IFT80: variants seen among roughly 807,000 people sequenced by gnomAD.
IFT80 encodes intraflagellar transport 80, also known as intraflagellar transport protein 80 homolog.
Under a neutral mutation model 107.9 loss-of-function variants are expected in IFT80, and 79 were observed. The observed-to-expected ratio is 0.73, with a 90% CI of 0.61 to 0.88. The LOEUF is 0.88. Ranked by LOEUF, IFT80 falls within the 40% of genes least tolerant of loss-of-function variation. The pLI is 0.00. For synonymous variants in IFT80, 299 were observed against 300.9 expected, an observed-to-expected ratio of 0.99 and a Z score of 0.07; for missense variants, 797 against 914.2, an observed-to-expected ratio of 0.87 and a Z score of 1.65.
chr3:160,364,435 A>G (rs185932219), intron 6 of IFT80, among the ~76,000 whole-genome samples: 1 of 152,314 alleles, frequency 6.6e-6, no homozygotes, highest in East Asian at 1.9e-4. Flanking sequence ...ACTGTGGAAG[A>G]CAGGGTGGCA....
intron 16 of IFT80, among the ~76,000 whole-genome samples, chr3:160,278,678 T>A (rs1177186399): frequency 1.3e-5 from 2 of 152,108 alleles, no homozygotes; most frequent in Admixed American, 1.3e-4. Flanking sequence ...AACAACCCAT[T>A]GTTAAAAAAA....
intron 8 of IFT80, among the ~76,000 whole-genome samples, chr3:160,323,590 G>T (rs997613954): frequency 5.3e-5 from 8 of 151,912 alleles, no homozygotes; most frequent in Admixed American, 3.9e-4. Flanking sequence ...CGAGAACAAA[G>T]ACACAACATA....
rs573124892 is a variant in IFT80, at chr3:160,398,756, G to A, written c.-47+390C>T. Reference sequence around the variant, plus strand: ...GGCAATGTATACAAACACTACTTAGGGAATATTTGCTGATCGATAATTTCC... The same window carrying A: ...GGCAATGTATACAAACACTACTTAGAGAATATTTGCTGATCGATAATTTCC... On this transcript the variant is annotated intron_variant, in intron 1 of 19. Coordinates refer to ENST00000326448, the MANE Select transcript of IFT80 (RefSeq NM_020800.3). Among the ~76,000 whole-genome samples, 7 of 151,990 alleles carry A rather than the reference G, an allele frequency of 4.6e-5. No individual in the cohort carries two copies. In the South Asian group the frequency reaches 1.3e-3, roughly 27 times the overall value.
intron 13 of IFT80, among the ~76,000 whole-genome samples, chr3:160,284,365 C>T (rs1714928688): frequency 6.6e-6 from 1 of 152,118 alleles, no homozygotes; most frequent in Admixed American, 6.6e-5. Context: ...AAAGCTGAGA[C>T]ATTTACTCCT....
chr3:160,363,081 CCT>C (rs1261389667), intron 6 of IFT80, among the ~76,000 whole-genome samples: 4 of 151,738 alleles, frequency 2.6e-5, no homozygotes, highest in Admixed American at 2.6e-4. Flanking sequence ...TCAAATTGTC[CCT>C]GTTTGCAGAT....
At chr3:160,322,263 T>C (rs1028175333) in intron 8 of IFT80, among the ~76,000 whole-genome samples, 4 of 143,638 alleles carry the variant, frequency 2.8e-5, no homozygotes, top group Non-Finnish European at 6.1e-5. Context: ...TCAATTCCCA[T>C]CTATGAGTGA....
intron 1 of IFT80, among the ~76,000 whole-genome samples, chr3:160,387,094 T>A (rs1002847289): frequency 6.6e-6 from 1 of 152,020 alleles, no homozygotes; most frequent in Admixed American, 6.6e-5. Flanking sequence ...AAAAGAGAAA[T>A]GAAAGTGACT....
rs1202193009 is a variant in IFT80 at position 160,268,624 on chromosome 3, G to A, written c.2100-88C>T. The A allele has an allele frequency of 3.2e-6, 4 of 1,241,934 alleles. No individual in the cohort carries two copies. The South Asian group carries it at 3.7e-5, about 11-fold the overall frequency. The allele number at this position is 1,241,934 out of a possible 1,614,324, so 76.9% of individuals were successfully genotyped here. A position where few individuals can be genotyped will look rare whatever the true frequency, so the allele number is the denominator to read the frequency against. On this transcript the variant is annotated intron_variant, in intron 18 of 19. Coordinates refer to ENST00000326448, the MANE Select transcript of IFT80 (RefSeq NM_020800.3). ...TTCTGGAGTTGGGGATAAGACAAATGGCTCTTCCCTCTGTTTATTCCACAA... is the reference window on the plus strand; with the variant it reads ...TTCTGGAGTTGGGGATAAGACAAATAGCTCTTCCCTCTGTTTATTCCACAA...
chr3:160,350,177 G>A (rs954702543), intron 8 of IFT80, among the ~76,000 whole-genome samples: 2 of 151,888 alleles, frequency 1.3e-5, no homozygotes, highest in African/African-American at 4.8e-5. Context: ...CACTTTGGGA[G>A]GCCAAGACGA....
intron 8 of IFT80, among the ~76,000 whole-genome samples, chr3:160,330,914 T>G (rs1441932408): frequency 6.6e-6 from 1 of 152,144 alleles, no homozygotes; most frequent in Non-Finnish European, 1.5e-5. Flanking sequence ...CAGGGATAGG[T>G]TCCAAGACCC....
intron 1 of IFT80, among the ~76,000 whole-genome samples, chr3:160,385,013 C>T (rs193279230): frequency 1.7e-4 from 26 of 152,208 alleles, no homozygotes; most frequent in Non-Finnish European, 3.7e-4. Context: ...TACAAATATC[C>T]AAGGTGTGAT....
chr3:160,264,404 T>C (rs1411110921), intron 19 of IFT80, among the ~76,000 whole-genome samples: 1 of 151,202 alleles, frequency 6.6e-6, no homozygotes, highest in Non-Finnish European at 1.5e-5. Context: ...ACTCTGTGCC[T>C]GGCCAGGGAT....
intron 12 of IFT80, among the ~76,000 whole-genome samples, chr3:160,294,199 T>C (rs1715796936): frequency 6.6e-6 from 1 of 152,038 alleles, no homozygotes; most frequent in African/African-American, 2.4e-5. Context: ...AGGTCAGTCT[T>C]GGCAGGCCTT....
At chr3:160,322,301 T>C (rs922282310) in intron 8 of IFT80, among the ~76,000 whole-genome samples, 7 of 151,668 alleles carry the variant, frequency 4.6e-5, no homozygotes, top group Admixed American at 2.6e-4. Context: ...TTTTTCGTCC[T>C]TGCAATAGTT....
At chr3:160,397,116 G>A (rs952512246) in intron 1 of IFT80, among the ~76,000 whole-genome samples, 2 of 152,126 alleles carry the variant, frequency 1.3e-5, no homozygotes, top group Non-Finnish European at 2.9e-5. Flanking sequence ...CTGACTTCAA[G>A]GGTTTATACT....
Position 160,375,889 on chromosome 3 carries a change from G to C in IFT80, c.371-9C>G. ...TTGTCCATCTTCTCCAACTATACAG[G>C]GAAAAAAAAATTAATCAGTATTTTT... On this transcript the variant is annotated splice_polypyrimidine_tract_variant and intron_variant, in intron 4 of 19. Coordinates refer to ENST00000326448, the MANE Select transcript of IFT80 (RefSeq NM_020800.3). 2 of 1,571,382 alleles carry C rather than the reference G, an allele frequency of 1.3e-6. No homozygotes were observed. Among genetic ancestry groups the C allele is most frequent in the Non-Finnish European group, 1.7e-6 (2 of 1,147,736 alleles).
chr3:160,375,986 T>A (rs1239251937), intron 4 of IFT80, 106 bp from the exon 5 acceptor site: 17 of 712,294 alleles, frequency 2.4e-5, no homozygotes, highest in Admixed American at 5.1e-5. Flanking sequence ...TATTCTTTTT[T>A]CTTCTAGGCT....
At chr3:160,383,927 C>A (rs1473065825) in intron 2 of IFT80, 1 of 985,246 alleles carries the variant, frequency 1.0e-6, no homozygotes, top group East Asian at 1.1e-4. Context: ...ATCACACTAG[C>A]AAAGAAACAG....
At chr3:160,289,502 C>A (rs935375998) in intron 12 of IFT80, among the ~76,000 whole-genome samples, 1 of 151,946 alleles carries the variant, frequency 6.6e-6, no homozygotes, top group African/African-American at 2.4e-5. Flanking sequence ...AAAAAGCAAA[C>A]GCTGATGGGG....
Sources: allele counts gnomAD v4.1 joint callset (sites outside exome capture counted in the v4.1 genomes callset), GRCh38; gene constraint gnomAD v4.1.1; transcripts MANE v1.5; gene names NCBI Gene and HGNC (gene_info 2026-07-23, HGNC 2026-07-21).